Variants in SLC24A3 observed in about 807,000 individuals in gnomAD.
SLC24A3 encodes solute carrier family 24 member 3.
A neutral mutation model predicts 75.8 loss-of-function variants in SLC24A3; 28 were observed. The observed-to-expected ratio is 0.37, with a 90% CI of 0.27 to 0.51. The LOEUF (loss-of-function observed/expected upper bound fraction) is 0.51. SLC24A3 is among the 20% of genes least tolerant of loss of function. The pLI, the probability that SLC24A3 is intolerant of heterozygous loss-of-function variation, is 0.94. For synonymous variants in SLC24A3, 372 were observed against 334.1 expected (o/e 1.11, Z -1.24); for missense variants, 663 against 847.8 (o/e 0.78, Z 2.71).
intron 2 of SLC24A3, among the ~76,000 whole-genome samples, chr20:19,455,226 C>T (rs1179499609): frequency 1.3e-5 from 2 of 152,182 alleles, no homozygotes; most frequent in Non-Finnish European, 2.9e-5. Flanking sequence ...GGATCTTCTA[C>T]AGAAAGTGAA....
chr20:19,261,489 A>G (rs1600398254), intron 1 of SLC24A3, among the ~76,000 whole-genome samples: 2 of 151,676 alleles, frequency 1.3e-5, no homozygotes, highest in African/African-American at 2.4e-5. Context: ...ACAGGTGTGC[A>G]TCACCACATT....
In SLC24A3 at chr20:19,580,774, C is replaced by A. The variant is rs111307305; in HGVS notation, c.423+700C>A. 1.4e-4 allele frequency among the ~76,000 whole-genome samples: 21 copies of A among 152,138 alleles called. 1 individual carries two copies. Among genetic ancestry groups the A allele is most frequent in the African/African-American group, 5.1e-4 (21 of 41,494 alleles). ...ATTTTATTTATTTATTTATATTTAT[C>A]GGTTTATATTTTAATTCAGAATCCC... On this transcript the variant is annotated intron_variant, in intron 4 of 16. Coordinates refer to ENST00000328041, the MANE Select transcript of SLC24A3 (RefSeq NM_020689.4).
At chr20:19,571,666 T>G (rs1207420485) in intron 3 of SLC24A3, among the ~76,000 whole-genome samples, 1 of 152,136 alleles carries the variant, frequency 6.6e-6, no homozygotes, top group African/African-American at 2.4e-5. Flanking sequence ...GGATTTATGT[T>G]AATGGTGCAG....
intron 3 of SLC24A3, among the ~76,000 whole-genome samples, chr20:19,566,644 A>G (rs1350073944): frequency 2.6e-5 from 4 of 152,226 alleles, no homozygotes; most frequent in African/African-American, 9.6e-5. Context: ...AGGAATTAAC[A>G]TTCCTTATTC....
chr20:19,280,830 A>T, intron 1 of SLC24A3, 129 bp from the exon 2 acceptor site: 1 of 1,327,998 alleles, frequency 7.5e-7, no homozygotes, highest in Non-Finnish European at 1.0e-6. Flanking sequence ...AGGCAGCTAG[A>T]GGCAGAGTGG....
chr20:19,315,479 G>T (rs539691678), intron 2 of SLC24A3, among the ~76,000 whole-genome samples: 1 of 152,102 alleles, frequency 6.6e-6, no homozygotes, highest in African/African-American at 2.4e-5. Context: ...TGAAATCCTG[G>T]GGTCATGGTC....
At chr20:19,345,951 G>A (rs1985386179) in intron 2 of SLC24A3, among the ~76,000 whole-genome samples, 1 of 150,696 alleles carries the variant, frequency 6.6e-6, no homozygotes, top group African/African-American at 2.4e-5. Flanking sequence ...CTACCCAGAG[G>A]AAGTCATTAT....
At chr20:19,615,141 T>C (rs963452780) in intron 6 of SLC24A3, among the ~76,000 whole-genome samples, 1 of 152,194 alleles carries the variant, frequency 6.6e-6, no homozygotes, top group African/African-American at 2.4e-5. Context: ...GATTTTCTTA[T>C]GTTTTTGGTG....
rs148396058 is a variant in SLC24A3 at position 19,456,218 on chromosome 20, C to T, written c.272-59270C>T. Among the ~76,000 whole-genome samples, 588 of 152,308 alleles carry T rather than the reference C, an allele frequency of 3.9e-3. 4 individuals carry two copies. Among genetic ancestry groups the T allele is most frequent in the African/African-American group, 0.013 (551 of 41,564 alleles). On this transcript the variant is annotated intron_variant, in intron 2 of 16. Coordinates refer to ENST00000328041, the MANE Select transcript of SLC24A3 (RefSeq NM_020689.4). Reference sequence around the variant, plus strand: ...TATGGCAAGAGAAAGACCTTTTATTCCTTCCAGGAGGAGACATACAACCAG... The same window carrying T: ...TATGGCAAGAGAAAGACCTTTTATTTCTTCCAGGAGGAGACATACAACCAG...
At chr20:19,689,027 G>C (rs6035411) in intron 12 of SLC24A3, among the ~76,000 whole-genome samples, 6 of 151,834 alleles carry the variant, frequency 4.0e-5, no homozygotes, top group South Asian at 2.1e-4. Context: ...ACATATAAAC[G>C]TGCAGCTATT....
chr20:19,262,539 C>A (rs1184793463), intron 1 of SLC24A3, among the ~76,000 whole-genome samples: 2 of 152,136 alleles, frequency 1.3e-5, no homozygotes, highest in Non-Finnish European at 2.9e-5. Context: ...GGGCCACTTA[C>A]CTCTCCCTGA....
chr20:19,483,174 G>T (rs1988083764), intron 2 of SLC24A3, among the ~76,000 whole-genome samples: 1 of 152,184 alleles, frequency 6.6e-6, no homozygotes, highest in South Asian at 2.1e-4. Context: ...TGATCAAACT[G>T]TCCCACTGAC....
At chr20:19,707,275 A>G (rs1231107024) in intron 15 of SLC24A3, among the ~76,000 whole-genome samples, 1 of 152,148 alleles carries the variant, frequency 6.6e-6, no homozygotes, top group Non-Finnish European at 1.5e-5. Flanking sequence ...CATAAAACCT[A>G]TTACAGGGAG....
intron 1 of SLC24A3, among the ~76,000 whole-genome samples, chr20:19,219,429 G>T (rs1981649003): frequency 6.6e-6 from 1 of 152,158 alleles, no homozygotes; most frequent in African/African-American, 2.4e-5. Context: ...TGCTAGGGTG[G>T]CAGCGTTGTC....
At chr20:19,327,021 T>A (rs546028116) in intron 2 of SLC24A3, among the ~76,000 whole-genome samples, 4 of 152,210 alleles carry the variant, frequency 2.6e-5, no homozygotes, top group Non-Finnish European at 5.9e-5. Context: ...TTATGAAGGT[T>A]TACTGTTCTC....
chr20:19,453,785 C>G (rs1987533343), intron 2 of SLC24A3, among the ~76,000 whole-genome samples: 1 of 152,226 alleles, frequency 6.6e-6, no homozygotes, highest in East Asian at 1.9e-4. Flanking sequence ...CTGGCTCCCT[C>G]TCCCCAGATC....
intron 2 of SLC24A3, among the ~76,000 whole-genome samples, chr20:19,461,194 G>A (rs1213425314): frequency 1.3e-5 from 2 of 152,112 alleles, no homozygotes; most frequent in African/African-American, 2.4e-5. Context: ...AAGCCTTCAG[G>A]GAGGAGCTTA....
intron 2 of SLC24A3, among the ~76,000 whole-genome samples, chr20:19,454,808 C>A (rs1352611868): frequency 1.3e-5 from 2 of 152,174 alleles, no homozygotes; most frequent in Admixed American, 1.3e-4. Flanking sequence ...GTTCCCAGAA[C>A]CAACAATGTA....
chr20:19,567,924 A>G (rs2030986429), intron 3 of SLC24A3, among the ~76,000 whole-genome samples: 5 of 152,190 alleles, frequency 3.3e-5, no homozygotes, highest in Admixed American at 3.3e-4. Flanking sequence ...AAGAGCCCTT[A>G]CAAGCCAACA....
Sources: allele counts gnomAD v4.1 joint callset (sites outside exome capture counted in the v4.1 genomes callset), GRCh38; gene constraint gnomAD v4.1.1; transcripts MANE v1.5; gene names NCBI Gene and HGNC (gene_info 2026-07-23, HGNC 2026-07-21).